SHISA9: variants seen among roughly 807,000 people sequenced by gnomAD.
SHISA9 encodes the protein shisa family member 9.
SHISA9 carries 13 observed loss-of-function variants against 38.0 expected under a neutral mutation model. That is an observed-to-expected ratio of 0.34 (90% confidence interval 0.22 to 0.54). SHISA9 has a LOEUF of 0.54. Ranked by LOEUF, SHISA9 falls within the 20% of genes least tolerant of loss-of-function variation. The pLI is 0.91. For missense variants in SHISA9, 538 were observed against 575.8 expected (o/e 0.93, Z 0.67); for synonymous variants, 275 against 242.0 (o/e 1.14, Z -1.27).
chr16:13,343,298 T>C, the SHISA9 span, among the ~76,000 whole-genome samples: 1 of 152,210 alleles, frequency 6.6e-6, no homozygotes, highest in Non-Finnish European at 1.5e-5. Context: ...TATCTTATCT[T>C]CCCAAGGTTG....
intron 1 of SHISA9, chr16:12,908,389 G>A: frequency 1.3e-6 from 2 of 1,523,630 alleles, no homozygotes; most frequent in South Asian, 1.2e-5. Context: ...GGCCTAAGTG[G>A]TGTTGAAAAA....
chr16:13,261,271 C>G, the SHISA9 span, among the ~76,000 whole-genome samples: 3 of 152,112 alleles, frequency 2.0e-5, no homozygotes, highest in East Asian at 5.8e-4. Flanking sequence ...TGGGAGAAGA[C>G]TCTAGTCCGT....
chr16:13,476,387 C>T, the SHISA9 span, among the ~76,000 whole-genome samples: 2 of 152,182 alleles, frequency 1.3e-5, no homozygotes, highest in African/African-American at 2.4e-5. Context: ...TGAGACTAAG[C>T]TCCCATCTCC....
intron 2 of SHISA9, among the ~76,000 whole-genome samples, chr16:13,031,433 T>A (rs566039115): frequency 9.9e-5 from 15 of 151,780 alleles, no homozygotes; most frequent in Admixed American, 6.6e-4. Context: ...TGAGGTAGAG[T>A]GGCCAGTATG....
the SHISA9 span, among the ~76,000 whole-genome samples, chr16:13,392,695 T>C: frequency 5.9e-5 from 9 of 152,190 alleles, no homozygotes; most frequent in Non-Finnish European, 8.8e-5. Flanking sequence ...CGATTTGCTG[T>C]GGAGGCTGCG....
At chr16:13,318,308 A>G in the SHISA9 span, among the ~76,000 whole-genome samples, 4 of 151,092 alleles carry the variant, frequency 2.6e-5, no homozygotes, top group Non-Finnish European at 5.9e-5. Flanking sequence ...AGTTTTAAAA[A>G]CCAAAAATAC....
chr16:13,133,976 T>C (rs2050326611), intron 2 of SHISA9, among the ~76,000 whole-genome samples: 1 of 152,228 alleles, frequency 6.6e-6, no homozygotes. Flanking sequence ...AAAAATTTCC[T>C]ACTGACAATG....
chr16:13,004,515 G>C (rs2072570292), intron 2 of SHISA9, among the ~76,000 whole-genome samples: 1 of 152,166 alleles, frequency 6.6e-6, no homozygotes, highest in African/African-American at 2.4e-5. Context: ...GATTTGATCT[G>C]ATTTATGTTT....
intron 2 of SHISA9, among the ~76,000 whole-genome samples, chr16:12,926,208 C>T (rs1027479725): frequency 7.9e-5 from 12 of 152,194 alleles, no homozygotes; most frequent in Non-Finnish European, 1.6e-4. Context: ...ACCTTATACT[C>T]TAGTTATGAC....
chr16:13,307,445 T>G, the SHISA9 span, among the ~76,000 whole-genome samples: 1 of 152,174 alleles, frequency 6.6e-6, no homozygotes, highest in Non-Finnish European at 1.5e-5. Context: ...GGGATACGCT[T>G]TCTGTTCTAG....
chr16:13,496,661 AT>A, the SHISA9 span, among the ~76,000 whole-genome samples: 1 of 152,156 alleles, frequency 6.6e-6, no homozygotes, highest in Non-Finnish European at 1.5e-5. Flanking sequence ...GGAAACAATA[AT>A]TATCGTCTGG....
chr16:13,296,848 G>A, the SHISA9 span, among the ~76,000 whole-genome samples: 1 of 118,056 alleles, frequency 8.5e-6, no homozygotes, highest in Non-Finnish European at 1.6e-5. Flanking sequence ...CTGAGAGCAT[G>A]CCCTTGCACT....
intron 2 of SHISA9, among the ~76,000 whole-genome samples, chr16:12,982,301 C>T (rs879944753): frequency 3.3e-5 from 5 of 152,230 alleles, no homozygotes; most frequent in Non-Finnish European, 5.9e-5. Context: ...TTCAGTTTCT[C>T]TGTCACACTA....
rs79352295 is a variant in SHISA9 at position 12,979,583 on chromosome 16, G to A, written c.691+62768G>A. Among the ~76,000 whole-genome samples, 1,462 of 152,070 alleles carry A rather than the reference G, an allele frequency of 9.6e-3. 6 individuals carry two copies. Among genetic ancestry groups the A allele is most frequent in the East Asian group, 0.026 (133 of 5,180 alleles). ...CCTTTTGATATCTGTATTGCTTCTCGTATAGTCTTGAACGTGTATATTTTT... is the reference window on the plus strand; with the variant it reads ...CCTTTTGATATCTGTATTGCTTCTCATATAGTCTTGAACGTGTATATTTTT... On this transcript the variant is annotated intron_variant, in intron 2 of 4. Transcript: ENST00000558583.
rs1299909100 is a variant in SHISA9 at position 13,019,924 on chromosome 16, T to C, written c.691+103109T>C. Among the ~76,000 whole-genome samples, 186 of 91,796 alleles carry C rather than the reference T, an allele frequency of 2.0e-3. 1 individual carries two copies. The highest frequency in any genetic ancestry group is 0.011 in the Middle Eastern group (2 of 182). The allele number at this position is 91,796 out of a possible 152,430, so 60.2% of individuals were successfully genotyped here. On this transcript the variant is annotated intron_variant, in intron 2 of 4. Transcript: ENST00000558583. ...CTTTCTTTCTTTCTTTCTTTCTTTC[T>C]TTCTTTCTTTCTTTCTTTCTTTCTT...
chr16:13,286,737 T>C, the SHISA9 span, among the ~76,000 whole-genome samples: 4 of 152,276 alleles, frequency 2.6e-5, no homozygotes, highest in African/African-American at 9.6e-5. Flanking sequence ...CATCCATAGA[T>C]AGATTTTCAA....
At chr16:13,512,638 A>G in the SHISA9 span, among the ~76,000 whole-genome samples, 1 of 152,204 alleles carries the variant, frequency 6.6e-6, no homozygotes. Context: ...CCAAAACAGG[A>G]TGGTACTGGT....
the SHISA9 span, among the ~76,000 whole-genome samples, chr16:13,427,065 T>G: frequency 6.6e-6 from 1 of 152,158 alleles, no homozygotes; most frequent in African/African-American, 2.4e-5. Context: ...TTCTGGAATG[T>G]TTTATCAGGA....
At chr16:13,155,642 T>C (rs1238292471) in intron 2 of SHISA9, among the ~76,000 whole-genome samples, 3 of 151,758 alleles carry the variant, frequency 2.0e-5, no homozygotes, top group African/African-American at 7.3e-5. Context: ...ATGGTGGGGG[T>C]AGGGCACTGT....
Sources: gnomAD v4.1 joint callset for allele counts (sites outside exome capture counted in the v4.1 genomes callset) on GRCh38, gnomAD v4.1.1 for gene constraint, MANE v1.5 for transcripts, NCBI Gene and HGNC (gene_info 2026-07-23, HGNC 2026-07-21) for gene names.